FSTL4: variants seen among roughly 807,000 people sequenced by gnomAD.
FSTL4 encodes follistatin like 4, also known as follistatin-related protein 4.
Under a neutral mutation model 78.2 loss-of-function variants are expected in FSTL4, and 28 were observed. The ratio of observed to expected loss-of-function variants is 0.36; its 90% CI spans 0.27 to 0.49. The LOEUF (loss-of-function observed/expected upper bound fraction) is 0.49, where lower values mean the gene tolerates loss of function less well. Among genes scored for constraint, FSTL4 ranks in the 20% least tolerant of loss-of-function variants. FSTL4 has a pLI of 0.98. For missense variants in FSTL4, 922 were observed against 1,084.9 expected, an observed-to-expected ratio of 0.85 and a Z score of 2.11; for synonymous variants, 422 against 440.5, an observed-to-expected ratio of 0.96 and a Z score of 0.53.
chr5:133,576,675 C>G (rs1474139677), intron 2 of FSTL4, among the ~76,000 whole-genome samples: 1 of 152,202 alleles, frequency 6.6e-6, no homozygotes, highest in Non-Finnish European at 1.5e-5. Context: ...GAGGAAGCTC[C>G]TGGCTTCAGA....
At chr5:133,613,858 C>T (rs12657400), upstream of FSTL4, among the ~76,000 whole-genome samples, 35 of 152,352 alleles carry the variant, frequency 2.3e-4, 1 homozygote, top group East Asian at 5.4e-3. Flanking sequence ...ACTACATCCT[C>T]AGTGACCCTG....
At chr5:133,328,347 G>A in intron 4 of FSTL4, among the ~76,000 whole-genome samples, 1 of 152,140 alleles carries the variant, frequency 6.6e-6, no homozygotes, top group Non-Finnish European at 1.5e-5. Context: ...TGAATGCCTG[G>A]TTCAATTGAT....
At position 133,338,024 on chromosome 5, in the gene FSTL4, T is replaced by G. The variant is rs1754502349; in HGVS notation, c.410-21372A>C. ...GTGGTGAGTATGCGTGCGGAGGGCT[T>G]CTGGCAGGAGAGCTCCAGGGGTGTC... On this transcript the variant is annotated intron_variant, in intron 4 of 15. Transcript: ENST00000265342. The surrounding 1 kb of genome is among the most constrained non-coding windows in gnomAD (Gnocchi z 4.0). Among the ~76,000 whole-genome samples the G allele has an allele frequency of 6.6e-6, 1 of 152,204 alleles. No individual in the cohort carries two copies. The highest frequency in any genetic ancestry group is 2.1e-4 in the South Asian group (1 of 4,828).
At chr5:133,623,937 T>C in the FSTL4 span, among the ~76,000 whole-genome samples, 1 of 151,972 alleles carries the variant, frequency 6.6e-6, no homozygotes, top group Admixed American at 6.6e-5. Context: ...TATAATAATA[T>C]ATATTTTAAA....
At chr5:133,558,445 T>A (rs1378076357) in intron 3 of FSTL4, among the ~76,000 whole-genome samples, 1 of 152,052 alleles carries the variant, frequency 6.6e-6, no homozygotes. Flanking sequence ...ACCATCCAAC[T>A]GCACTGACTG....
chr5:133,506,911 C>A (rs1022389309), intron 3 of FSTL4, among the ~76,000 whole-genome samples: 1 of 152,220 alleles, frequency 6.6e-6, no homozygotes, highest in Non-Finnish European at 1.5e-5. Context: ...TAGACTGGGC[C>A]TTTAAAAAGC....
At chr5:133,790,881 C>T in the FSTL4 span, among the ~76,000 whole-genome samples, 2 of 152,258 alleles carry the variant, frequency 1.3e-5, no homozygotes, top group Non-Finnish European at 2.9e-5. Context: ...AGCCTCCTGA[C>T]TGGCTCCCTG....
intron 12 of FSTL4, among the ~76,000 whole-genome samples, chr5:133,217,795 T>C (rs577409246): frequency 3.7e-4 from 56 of 152,284 alleles, no homozygotes; most frequent in African/African-American, 1.3e-3. Flanking sequence ...AAGGTCAACA[T>C]GGACTCCCCA....
chr5:133,808,516 C>T, the FSTL4 span, among the ~76,000 whole-genome samples: 20,782 of 152,088 alleles, frequency 0.14, 1,747 homozygotes, highest in African/African-American at 0.24. Flanking sequence ...GGAGAACACC[C>T]GCAGCTGGAA....
the FSTL4 span, among the ~76,000 whole-genome samples, chr5:133,782,847 G>A: frequency 6.6e-6 from 1 of 152,188 alleles, no homozygotes; most frequent in Non-Finnish European, 1.5e-5. Flanking sequence ...AGGCCATCAT[G>A]AGGACAATCC....
chr5:133,378,017 G>A (rs1755479786), intron 4 of FSTL4, among the ~76,000 whole-genome samples: 1 of 152,048 alleles, frequency 6.6e-6, no homozygotes, highest in Non-Finnish European at 1.5e-5. Flanking sequence ...AAACAAAACT[G>A]TAAACAAAGA....
chr5:133,723,668 C>T, the FSTL4 span, among the ~76,000 whole-genome samples: 1 of 152,212 alleles, frequency 6.6e-6, no homozygotes, highest in African/African-American at 2.4e-5. Flanking sequence ...TCAGCCAAGG[C>T]TCTGATTCCC....
chr5:133,561,374 C>T (rs376872842), intron 3 of FSTL4, among the ~76,000 whole-genome samples: 1 of 152,070 alleles, frequency 6.6e-6, no homozygotes, highest in Non-Finnish European at 1.5e-5. Context: ...GTGTGGACAC[C>T]GAACACATCC....
intron 3 of FSTL4, among the ~76,000 whole-genome samples, chr5:133,482,428 C>T (rs1758046965): frequency 6.6e-6 from 1 of 152,180 alleles, no homozygotes; most frequent in African/African-American, 2.4e-5. Context: ...TAGGGGCTGC[C>T]CAGAGGTTAG....
chr5:133,701,106 G>T, the FSTL4 span, among the ~76,000 whole-genome samples: 13 of 152,132 alleles, frequency 8.5e-5, no homozygotes, highest in Admixed American at 8.5e-4. Context: ...ATATTGAATA[G>T]AAAAACCAGG....
chr5:133,660,430 T>C, the FSTL4 span, among the ~76,000 whole-genome samples: 1 of 152,240 alleles, frequency 6.6e-6, no homozygotes, highest in South Asian at 2.1e-4. Flanking sequence ...CTTCTTCACC[T>C]GTGGTGCCAG....
chr5:133,267,568 GCACCATGGC>G (rs1442308293), intron 6 of FSTL4, among the ~76,000 whole-genome samples: 1 of 152,194 alleles, frequency 6.6e-6, no homozygotes, highest in Non-Finnish European at 1.5e-5. Flanking sequence ...AGCAAGGGAA[GCACCATGGC>G]CATAGTGCTC....
chr5:133,545,505 T>A (rs935864711), intron 3 of FSTL4, among the ~76,000 whole-genome samples: 1 of 152,212 alleles, frequency 6.6e-6, no homozygotes, highest in African/African-American at 2.4e-5. Flanking sequence ...CACCCAGATG[T>A]GGCTGCCTGA....
intron 3 of FSTL4, among the ~76,000 whole-genome samples, chr5:133,497,963 A>G (rs766084683): frequency 2.6e-5 from 4 of 152,140 alleles, no homozygotes; most frequent in African/African-American, 9.7e-5. Flanking sequence ...AGCTCTGTGC[A>G]CTGGGCTTGT....
Sources: allele counts gnomAD v4.1 joint callset (sites outside exome capture counted in the v4.1 genomes callset), GRCh38; gene constraint gnomAD v4.1.1; non-coding constraint Gnocchi (gnomAD v3.1); transcripts MANE v1.5; gene names NCBI Gene and HGNC (gene_info 2026-07-23, HGNC 2026-07-21).